Variants in TRHDE observed in about 807,000 individuals in gnomAD.
TRHDE encodes the protein thyrotropin releasing hormone degrading enzyme, also known as thyrotropin-releasing hormone-degrading ectoenzyme.
In TRHDE, 72 loss-of-function variants were observed where a neutral mutation model predicts 125.7. That is an observed-to-expected ratio of 0.57 (90% confidence interval 0.47 to 0.70). The LOEUF (loss-of-function observed/expected upper bound fraction) is 0.70. TRHDE is among the 30% of genes least tolerant of loss of function. The pLI is 0.00. For missense variants in TRHDE, 1,110 were observed against 1,327.1 expected, an observed-to-expected ratio of 0.84 and a Z score of 2.54; for synonymous variants, 509 against 509.1, an observed-to-expected ratio of 1.00 and a Z score of 0.00.
At position 72,608,541 on chromosome 12, in the gene TRHDE, T is replaced by C. The variant is rs1872532497; in HGVS notation, c.2322-10350T>C. 2.0e-5 allele frequency among the ~76,000 whole-genome samples: 3 copies of C among 152,298 alleles called. No homozygotes were observed. In the South Asian group the frequency reaches 6.2e-4, roughly 32 times the overall value. On this transcript the variant is annotated intron_variant, in intron 12 of 18. Transcript: ENST00000261180. ...AAGAGTGTTCTCTGATTTATGTAGA[T>C]TGGATGAAATGCTAAAGGAATCCAG... is the stretch of plus-strand genomic sequence containing the variant.
At chr12:72,200,601 C>A (rs950484486) in intron 2 of TRHDE, among the ~76,000 whole-genome samples, 3 of 151,996 alleles carry the variant, frequency 2.0e-5, no homozygotes, top group Non-Finnish European at 2.9e-5. Context: ...GCTTTTGTGG[C>A]TGGATTGGGA....
chr12:72,533,609 T>C (rs560866235), intron 6 of TRHDE, among the ~76,000 whole-genome samples: 1 of 152,142 alleles, frequency 6.6e-6, no homozygotes, highest in African/African-American at 2.4e-5. Flanking sequence ...TCTCCTTTTC[T>C]TCTTTTTTAC....
At chr12:72,119,217 A>G (rs561516859) in intron 2 of TRHDE, among the ~76,000 whole-genome samples, 428 of 152,188 alleles carry the variant, frequency 2.8e-3, no homozygotes, top group African/African-American at 1.0e-2. Context: ...GCCGTATCCC[A>G]TATGTTTTGG....
chr12:72,640,119 A>C (rs1873981475), intron 15 of TRHDE, among the ~76,000 whole-genome samples: 1 of 152,160 alleles, frequency 6.6e-6, no homozygotes, highest in East Asian at 1.9e-4. Flanking sequence ...GCCGCCTTGC[A>C]GTTTGATCTC....
At chr12:72,466,260 T>G (rs1876367627) in intron 3 of TRHDE, among the ~76,000 whole-genome samples, 1 of 152,216 alleles carries the variant, frequency 6.6e-6, no homozygotes, top group Non-Finnish European at 1.5e-5. Flanking sequence ...ACCTGGTTCA[T>G]ATGTATAGAG....
chr12:72,215,046 G>A (rs1877857654), intron 2 of TRHDE, among the ~76,000 whole-genome samples: 1 of 152,172 alleles, frequency 6.6e-6, no homozygotes, highest in Non-Finnish European at 1.5e-5. Flanking sequence ...AACAGGCTTT[G>A]TGTGAGCAAT....
intron 2 of TRHDE, among the ~76,000 whole-genome samples, chr12:72,226,728 C>T (rs1878136486): frequency 6.6e-6 from 1 of 152,108 alleles, no homozygotes; most frequent in African/African-American, 2.4e-5. Flanking sequence ...TTTAATATGT[C>T]ATGGAGTTGG....
chr12:72,516,252 G>C (rs986878659), intron 6 of TRHDE, among the ~76,000 whole-genome samples: 5 of 151,646 alleles, frequency 3.3e-5, no homozygotes, highest in Admixed American at 3.3e-4. Context: ...CCATATTCAT[G>C]GTATTGATTC....
intron 15 of TRHDE, among the ~76,000 whole-genome samples, chr12:72,649,158 G>A (rs1874402068): frequency 6.6e-6 from 1 of 151,730 alleles, no homozygotes; most frequent in African/African-American, 2.4e-5. Context: ...AAGCTACAGT[G>A]GTCAAAATAA....
intron 2 of TRHDE, among the ~76,000 whole-genome samples, chr12:72,355,829 T>G (rs992689953): frequency 6.6e-6 from 1 of 151,732 alleles, no homozygotes. Context: ...ATTAGAGAAA[T>G]GCAAATCAAA....
chr12:72,445,736 G>A (rs545090191), intron 3 of TRHDE, among the ~76,000 whole-genome samples: 1 of 152,050 alleles, frequency 6.6e-6, no homozygotes, highest in Non-Finnish European at 1.5e-5. Context: ...GCCAAGTATG[G>A]CACATGGATA....
chr12:72,092,687 G>A (rs930326166), intron 1 of TRHDE, among the ~76,000 whole-genome samples: 2 of 152,240 alleles, frequency 1.3e-5, no homozygotes, highest in Non-Finnish European at 2.9e-5. Flanking sequence ...GATGTTTGGT[G>A]TAGTCTAGGG....
intron 3 of TRHDE, among the ~76,000 whole-genome samples, chr12:72,413,571 A>G (rs911917736): frequency 2.0e-5 from 3 of 151,918 alleles, no homozygotes; most frequent in African/African-American, 7.2e-5. Context: ...ATTTTAAACT[A>G]TGTATGTAAT....
chr12:72,241,867 A>T (rs528693382), intron 2 of TRHDE, among the ~76,000 whole-genome samples: 1 of 152,210 alleles, frequency 6.6e-6, no homozygotes, highest in South Asian at 2.1e-4. Context: ...ATAGGTATGT[A>T]CTGGTCTCTT....
chr12:72,371,130 TAC>T (rs2135764102), intron 2 of TRHDE, among the ~76,000 whole-genome samples: 1 of 152,222 alleles, frequency 6.6e-6, no homozygotes, highest in Non-Finnish European at 1.5e-5. Context: ...GTTGTCATAG[TAC>T]ATATTGTTAC....
chr12:72,497,218 GT>G (rs1877958690), intron 5 of TRHDE, among the ~76,000 whole-genome samples: 1 of 151,864 alleles, frequency 6.6e-6, no homozygotes, highest in Non-Finnish European at 1.5e-5. Flanking sequence ...GTTTGTTTTT[GT>G]TTTCCTCCAG....
chr12:72,493,752 C>T (rs1464948322), intron 5 of TRHDE, among the ~76,000 whole-genome samples: 2 of 152,014 alleles, frequency 1.3e-5, no homozygotes, highest in Non-Finnish European at 2.9e-5. Flanking sequence ...AAACGAACCA[C>T]ACTATCTCAA....
At chr12:72,476,219 G>T (rs1183712865) in intron 5 of TRHDE, among the ~76,000 whole-genome samples, 3 of 152,110 alleles carry the variant, frequency 2.0e-5, no homozygotes, top group Admixed American at 2.0e-4. Context: ...TTGTGTTCAG[G>T]TTATATAGAT....
At chr12:72,387,569 A>C (rs1197208142) in intron 3 of TRHDE, among the ~76,000 whole-genome samples, 1 of 152,166 alleles carries the variant, frequency 6.6e-6, no homozygotes, top group Admixed American at 6.5e-5. Flanking sequence ...TCTGCTGTTC[A>C]AACATTTCAA....
Sources: gnomAD v4.1 joint callset for allele counts (sites outside exome capture counted in the v4.1 genomes callset) on GRCh38, gnomAD v4.1.1 for gene constraint, MANE v1.5 for transcripts, NCBI Gene and HGNC (gene_info 2026-07-23, HGNC 2026-07-21) for gene names.